The following MCTP1 variants were observed in gnomAD, a reference collection of about 807,000 sequenced individuals.
MCTP1 encodes the protein multiple C2 and transmembrane domain containing 1.
A neutral mutation model predicts 120.6 loss-of-function variants in MCTP1; 69 were observed. The observed-to-expected ratio is 0.57, with a 90% CI of 0.47 to 0.70. The LOEUF (loss-of-function observed/expected upper bound fraction) is 0.70. Among genes scored for constraint, MCTP1 ranks in the 30% least tolerant of loss-of-function variants. The pLI is 0.00. For synonymous variants in MCTP1, 529 were observed against 493.1 expected, an observed-to-expected ratio of 1.07 and a Z score of -0.96; for missense variants, 1,203 against 1,248.8, an observed-to-expected ratio of 0.96 and a Z score of 0.55.
chr5:95,139,499 C>CT (rs1562174751), intron 1 of MCTP1, among the ~76,000 whole-genome samples: 3 of 152,164 alleles, frequency 2.0e-5, no homozygotes, highest in African/African-American at 7.2e-5. Flanking sequence ...AAGAGAGCTT[C>CT]TTTTTTTACA....
intron 12 of MCTP1, among the ~76,000 whole-genome samples, chr5:94,885,252 G>C (rs1208984232): frequency 1.3e-5 from 2 of 151,394 alleles, no homozygotes; most frequent in Non-Finnish European, 2.9e-5. Flanking sequence ...TTCTGAAACT[G>C]AGTGGCTGGT....
intron 17 of MCTP1, among the ~76,000 whole-genome samples, chr5:94,800,317 G>A (rs1227119588): frequency 6.6e-6 from 1 of 152,174 alleles, no homozygotes; most frequent in Non-Finnish European, 1.5e-5. Context: ...TGCCTGCTAA[G>A]ATTTAGCTGA....
At chr5:95,164,010 T>C (rs1186401113) in intron 1 of MCTP1, among the ~76,000 whole-genome samples, 2 of 152,220 alleles carry the variant, frequency 1.3e-5, no homozygotes, top group East Asian at 3.8e-4. Flanking sequence ...TGGTAATTAT[T>C]TGAAATTCTT....
chr5:94,760,955 G>A (rs1771199884), intron 19 of MCTP1, among the ~76,000 whole-genome samples: 1 of 152,208 alleles, frequency 6.6e-6, no homozygotes, highest in Non-Finnish European at 1.5e-5. Context: ...AAAGTGCTGA[G>A]ATTACAGATG....
At position 94,919,268 on chromosome 5, in the gene MCTP1, C is replaced by A. The variant is rs116333945; in HGVS notation, c.1273-1295G>T. On this transcript the variant is annotated intron_variant, in intron 7 of 22. Coordinates refer to ENST00000515393, the MANE Select transcript of MCTP1 (RefSeq NM_024717.7). ...TAGAATCTAGCATATAAATTGGAAG[C>A]ATTTCTATATTCCAGTTTTAGTTTA... Among the ~76,000 whole-genome samples, 954 of 152,162 alleles carry A rather than the reference C, an allele frequency of 6.3e-3. 10 individuals are homozygous for A. Among genetic ancestry groups the A allele is most frequent in the African/African-American group, 0.022 (901 of 41,484 alleles).
chr5:95,060,460 C>T (rs1274463808), intron 1 of MCTP1, among the ~76,000 whole-genome samples: 1 of 152,116 alleles, frequency 6.6e-6, no homozygotes, highest in African/African-American at 2.4e-5. Context: ...TTCTAGTAAA[C>T]ACCTTGCAGA....
intron 19 of MCTP1, among the ~76,000 whole-genome samples, chr5:94,720,379 T>C (rs1400510257): frequency 3.9e-5 from 6 of 152,092 alleles, no homozygotes. Flanking sequence ...CTACAAATGA[T>C]GGGATGATAT....
chr5:94,916,609 CTT>C (rs1810131187), intron 8 of MCTP1, among the ~76,000 whole-genome samples: 1 of 152,196 alleles, frequency 6.6e-6, no homozygotes, highest in Non-Finnish European at 1.5e-5. Flanking sequence ...CAAAAAGAAA[CTT>C]TGCAAACTAT....
At chr5:95,097,150 A>G (rs984209412) in intron 1 of MCTP1, among the ~76,000 whole-genome samples, 1 of 152,198 alleles carries the variant, frequency 6.6e-6, no homozygotes, top group East Asian at 1.9e-4. Flanking sequence ...TATGATATCA[A>G]TTCTAAAAAT....
In MCTP1 at chr5:94,921,159, A is replaced by G. The variant is rs1022821566; in HGVS notation, c.1272+2803T>C. ...AGTTCCCACCTTTAAGTGGGAAGTT[A>G]GTCTTTAATACAATTTTTACTTAAT... On this transcript the variant is annotated intron_variant, in intron 7 of 22. Coordinates refer to ENST00000515393, the MANE Select transcript of MCTP1 (RefSeq NM_024717.7). Among the ~76,000 whole-genome samples, 10 of 152,358 alleles carry G rather than the reference A, an allele frequency of 6.6e-5. 2 individuals are homozygous for G. Among genetic ancestry groups the G allele is most frequent in the Admixed American group, 1.3e-4 (2 of 15,302 alleles).
chr5:94,992,202 A>C (rs1251171297), intron 2 of MCTP1, among the ~76,000 whole-genome samples: 1 of 152,190 alleles, frequency 6.6e-6, no homozygotes, highest in Non-Finnish European at 1.5e-5. Context: ...ATGGAAAAGA[A>C]AACAAATCCT....
At chr5:94,844,831 T>C (rs888041724) in intron 17 of MCTP1, among the ~76,000 whole-genome samples, 2 of 152,192 alleles carry the variant, frequency 1.3e-5, no homozygotes, top group Non-Finnish European at 2.9e-5. Flanking sequence ...TCTCCTTCTC[T>C]TTTTTTCTTT....
Position 94,909,375 on chromosome 5 carries a change from G to T in MCTP1, c.1528C>A (p.Pro510Thr). The T allele has an allele frequency of 6.4e-7, 1 of 1,570,152 alleles. No homozygotes were observed. Among genetic ancestry groups the T allele is most frequent in the Admixed American group, 2.1e-5 (1 of 48,002 alleles). Residue 510 changes from proline (P) to threonine (T), a missense_variant, in exon 10 of 23, where the codon CCA becomes ACA. Physicochemically the swap from Pro to Thr is conservative, Grantham distance 38. Coordinates refer to ENST00000515393, the MANE Select transcript of MCTP1 (RefSeq NM_024717.7). ...CTCCACTGAGGATTCAACGTTTTTGGCATAATCTGGAAAAAAAAATCATAA... is the reference window on the plus strand; with the variant it reads ...CTCCACTGAGGATTCAACGTTTTTGTCATAATCTGGAAAAAAAAATCATAA... Reference protein sequence around the residue: ...GHQKYKSKIMPKTLNPQWREQ... With the variant: ...GHQKYKSKIMTKTLNPQWREQ...
chr5:94,954,001 CAT>C (rs375338587), intron 2 of MCTP1, among the ~76,000 whole-genome samples: 1 of 39,058 alleles, frequency 2.6e-5, no homozygotes, highest in Non-Finnish European at 4.6e-5. Context: ...TATATATATG[CAT>C]ATATATACAA....
At chr5:94,918,100 A>C in intron 7 of MCTP1, 127 bp from the exon 8 acceptor site, 2 of 674,424 alleles carry the variant, frequency 3.0e-6, no homozygotes, top group Non-Finnish European at 5.2e-6. Flanking sequence ...TTTGCTTCTC[A>C]AGTCACTGTC....
At chr5:95,237,357 C>T (rs1036151443) in intron 1 of MCTP1, among the ~76,000 whole-genome samples, 10 of 152,130 alleles carry the variant, frequency 6.6e-5, no homozygotes, top group African/African-American at 2.4e-4. Flanking sequence ...TTAAAAGTAA[C>T]GGTTTTTGCC....
chr5:94,812,269 A>G (rs1479447196), intron 17 of MCTP1, among the ~76,000 whole-genome samples: 1 of 152,170 alleles, frequency 6.6e-6, no homozygotes, highest in Non-Finnish European at 1.5e-5. Context: ...TTGTTGGGAC[A>G]CTGACTCTAA....
chr5:94,963,522 C>T (rs1410684204), intron 2 of MCTP1, among the ~76,000 whole-genome samples: 1 of 151,000 alleles, frequency 6.6e-6, no homozygotes, highest in African/African-American at 2.4e-5. Context: ...GATTTGATAC[C>T]TCAGTGTGGT....
intron 17 of MCTP1, among the ~76,000 whole-genome samples, chr5:94,825,426 C>A (rs1786767953): frequency 6.6e-6 from 1 of 152,066 alleles, no homozygotes. Context: ...GAATTCTGTT[C>A]TTTTGCATTT....
Sources: allele counts gnomAD v4.1 joint callset (sites outside exome capture counted in the v4.1 genomes callset), GRCh38; gene constraint gnomAD v4.1.1; transcripts MANE v1.5; gene names NCBI Gene and HGNC (gene_info 2026-07-23, HGNC 2026-07-21).